Variants in SORCS1 observed in about 807,000 individuals in gnomAD.
The protein encoded by SORCS1 is VPS10 domain-containing receptor SorCS1.
SORCS1 carries 60 observed loss-of-function variants against 146.1 expected under a neutral mutation model. The ratio of observed to expected loss-of-function variants is 0.41; its 90% CI spans 0.33 to 0.51. The LOEUF is 0.51. Among genes scored for constraint, SORCS1 ranks in the 20% least tolerant of loss-of-function variants. The probability of loss-of-function intolerance (pLI) is 0.21; values close to 1 mark genes in which losing one functional copy is unlikely to be tolerated. For synonymous variants in SORCS1, 637 were observed against 584.0 expected (o/e 1.09, Z -1.31); for missense variants, 1,352 against 1,487.6 (o/e 0.91, Z 1.50).
chr10:107,155,432 A>T (rs1325357001), intron 1 of SORCS1, among the ~76,000 whole-genome samples: 1 of 152,158 alleles, frequency 6.6e-6, no homozygotes, highest in Non-Finnish European at 1.5e-5. Flanking sequence ...AGCAGGACCC[A>T]TGAGGACAGT....
intron 2 of SORCS1, among the ~76,000 whole-genome samples, chr10:106,924,756 C>A (rs1952920441): frequency 9.1e-6 from 1 of 110,452 alleles, no homozygotes; most frequent in Admixed American, 1.3e-4. Flanking sequence ...TTACATTTAA[C>A]TGCATGGATT....
At chr10:106,585,924 C>T (rs1845205909) in intron 24 of SORCS1, among the ~76,000 whole-genome samples, 1 of 152,184 alleles carries the variant, frequency 6.6e-6, no homozygotes, top group African/African-American at 2.4e-5. Flanking sequence ...GTGAGACAGA[C>T]CAGCCAAGAT....
intron 3 of SORCS1, among the ~76,000 whole-genome samples, chr10:106,799,090 T>C (rs984901395): frequency 1.3e-5 from 2 of 152,134 alleles, no homozygotes; most frequent in African/African-American, 4.8e-5. Context: ...TCCACAACCA[T>C]CTGATCTTTG....
At chr10:106,910,555 T>C (rs1952103358) in intron 2 of SORCS1, among the ~76,000 whole-genome samples, 1 of 152,122 alleles carries the variant, frequency 6.6e-6, no homozygotes, top group African/African-American at 2.4e-5. Context: ...AGACAGATCA[T>C]TACCAATGAT....
At chr10:106,687,198 T>C (rs1852917276) in intron 10 of SORCS1, among the ~76,000 whole-genome samples, 1 of 152,210 alleles carries the variant, frequency 6.6e-6, no homozygotes, top group Admixed American at 6.5e-5. Flanking sequence ...CTAAGAGGAA[T>C]AAGACGTGAC....
At chr10:107,131,512 G>A (rs1329551484) in intron 1 of SORCS1, among the ~76,000 whole-genome samples, 1 of 152,070 alleles carries the variant, frequency 6.6e-6, no homozygotes, top group Non-Finnish European at 1.5e-5. Flanking sequence ...TACCTGAGGT[G>A]AGGAATTTGA....
intron 1 of SORCS1, among the ~76,000 whole-genome samples, chr10:107,114,029 C>G (rs61867249): frequency 0.29 from 43,899 of 151,996 alleles, 8,179 homozygotes; most frequent in Middle Eastern, 0.43. Flanking sequence ...TATTCACCAA[C>G]AAATTGGATA....
intron 1 of SORCS1, among the ~76,000 whole-genome samples, chr10:107,006,817 A>G (rs1256445698): frequency 1.3e-5 from 2 of 152,120 alleles, no homozygotes; most frequent in Non-Finnish European, 1.5e-5. Context: ...ACTCCGTCTC[A>G]AAAAAAAGAA....
chr10:106,790,492 G>A (rs1250232628), intron 3 of SORCS1, among the ~76,000 whole-genome samples: 3 of 152,198 alleles, frequency 2.0e-5, no homozygotes, highest in Admixed American at 1.3e-4. Flanking sequence ...GGGCAAGGAA[G>A]CAATCAAAGT....
intron 1 of SORCS1, among the ~76,000 whole-genome samples, chr10:107,132,629 T>C (rs1487276610): frequency 1.3e-5 from 2 of 152,168 alleles, no homozygotes; most frequent in Admixed American, 6.5e-5. Flanking sequence ...AGCAAATTAA[T>C]ACTGTAAACA....
intron 1 of SORCS1, among the ~76,000 whole-genome samples, chr10:107,065,423 C>CTTTCTT (rs1255742607): frequency 2.1e-5 from 3 of 140,262 alleles, no homozygotes; most frequent in African/African-American, 7.7e-5. Context: ...TCTTTTCTTT[C>CTTTCTT]TTTCTTTCTT....
Position 107,060,475 on chromosome 10 carries a change from G to C in SORCS1, c.558+103494C>G, listed in dbSNP as rs1428774502. 6.7e-6 allele frequency among the ~76,000 whole-genome samples: 1 copy of C among 149,770 alleles called. No homozygotes were observed. The highest frequency in any genetic ancestry group is 1.9e-4 in the East Asian group (1 of 5,168). On this transcript the variant is annotated intron_variant, in intron 1 of 25. Coordinates refer to ENST00000263054, the MANE Select transcript of SORCS1 (RefSeq NM_052918.5). This position sits in a 1 kb window ranked among gnomAD's most constrained non-coding sequence, Gnocchi z 4.1. ...CTCAGACGTAGCAAACCTAAAAATGGAAGCTGCCAGACCTTCTCTGCACTC... is the reference window on the plus strand; with the variant it reads ...CTCAGACGTAGCAAACCTAAAAATGCAAGCTGCCAGACCTTCTCTGCACTC...
chr10:106,825,800 T>A (rs1326617073), intron 3 of SORCS1, among the ~76,000 whole-genome samples: 1 of 152,178 alleles, frequency 6.6e-6, no homozygotes. Flanking sequence ...GCCTCTCCTC[T>A]GGCACTGGGA....
chr10:106,832,311 C>T (rs1017302661), intron 2 of SORCS1, among the ~76,000 whole-genome samples: 1 of 152,008 alleles, frequency 6.6e-6, no homozygotes, highest in Non-Finnish European at 1.5e-5. Flanking sequence ...GCCTCAGCCT[C>T]CCGAGTAGCT....
chr10:106,945,223 C>T (rs898571902), intron 2 of SORCS1, among the ~76,000 whole-genome samples: 2 of 151,900 alleles, frequency 1.3e-5, no homozygotes, highest in Non-Finnish European at 2.9e-5. Context: ...CGAATGGCTT[C>T]TTAAAAAGAA....
intron 9 of SORCS1, among the ~76,000 whole-genome samples, chr10:106,695,757 A>G (rs969364777): frequency 3.3e-4 from 50 of 152,282 alleles, no homozygotes; most frequent in African/African-American, 1.2e-3. Flanking sequence ...TCTGTGGCCA[A>G]CTTTCCTGGC....
Position 106,922,906 on chromosome 10 carries a change from TTG to T in SORCS1, c.626+33605_626+33606del, listed in dbSNP as rs1379068282. Among the ~76,000 whole-genome samples, 17 of 151,134 alleles carry T rather than the reference TTG, an allele frequency of 1.1e-4. No individual in the cohort carries two copies. In the South Asian group the frequency reaches 1.7e-3, roughly 15 times the overall value. On this transcript the variant is annotated intron_variant, in intron 2 of 25. Coordinates refer to ENST00000263054, the MANE Select transcript of SORCS1 (RefSeq NM_052918.5). ...GCAGCCTTTTCTTTTTTTTTTTTTT[TTG>T]ACATGGAGTCTCGCTCTGTCCCCAG...
chr10:106,623,643 T>C (rs1415700767), intron 19 of SORCS1, among the ~76,000 whole-genome samples: 1 of 152,076 alleles, frequency 6.6e-6, no homozygotes, highest in African/African-American at 2.4e-5. Context: ...TGGTAATTCA[T>C]TCACTCAGTT....
chr10:106,760,970 G>A (rs564538753), intron 5 of SORCS1, among the ~76,000 whole-genome samples: 7 of 152,170 alleles, frequency 4.6e-5, no homozygotes, highest in African/African-American at 1.4e-4. Flanking sequence ...AGCCAGGCAT[G>A]GTGGCGTGCA....
Sources: gnomAD v4.1 joint callset for allele counts (sites outside exome capture counted in the v4.1 genomes callset) on GRCh38, gnomAD v4.1.1 for gene constraint, Gnocchi (gnomAD v3.1) non-coding constraint, MANE v1.5 for transcripts, NCBI Gene and HGNC (gene_info 2026-07-23, HGNC 2026-07-21) for gene names.